Variants in SGTB observed in about 807,000 individuals in gnomAD.
SGTB encodes small glutamine-rich tetratricopeptide repeat-containing protein beta.
A neutral mutation model predicts 43.9 loss-of-function variants in SGTB; 19 were observed. The ratio of observed to expected loss-of-function variants is 0.43; its 90% CI spans 0.30 to 0.63. SGTB has a LOEUF of 0.63. SGTB is among the 30% of genes least tolerant of loss of function. The pLI, the probability that SGTB is intolerant of heterozygous loss-of-function variation, is 0.12. For synonymous variants in SGTB, 116 were observed against 117.3 expected, an observed-to-expected ratio of 0.99 and a Z score of 0.07; for missense variants, 304 against 358.9, an observed-to-expected ratio of 0.85 and a Z score of 1.24.
intron 2 of SGTB, among the ~76,000 whole-genome samples, chr5:65,715,823 G>T (rs1758136278): frequency 6.6e-6 from 1 of 152,220 alleles, no homozygotes; most frequent in Non-Finnish European, 1.5e-5. Context: ...AGGCTGGAGT[G>T]CAGTGGCGTA....
At chr5:65,707,203 C>T (rs1217504585) in intron 4 of SGTB, among the ~76,000 whole-genome samples, 2 of 151,384 alleles carry the variant, frequency 1.3e-5, no homozygotes, top group African/African-American at 4.9e-5. Context: ...GCAGAGGTTG[C>T]AGTGAGCCGA....
intron 8 of SGTB, among the ~76,000 whole-genome samples, chr5:65,673,465 G>C (rs1277696059): frequency 6.6e-6 from 1 of 152,136 alleles, no homozygotes; most frequent in Non-Finnish European, 1.5e-5. Context: ...TGCAGCATTA[G>C]ATTCTCATAG....
chr5:65,685,324 C>T, intron 6 of SGTB, 44 bp downstream of exon 6: 1 of 1,553,182 alleles, frequency 6.4e-7, no homozygotes, highest in African/African-American at 1.4e-5. Flanking sequence ...AACAGCATAC[C>T]TGATGCTACA....
chr5:65,700,853 T>C (rs1757801381), intron 5 of SGTB, among the ~76,000 whole-genome samples: 2 of 148,738 alleles, frequency 1.3e-5, no homozygotes, highest in South Asian at 2.1e-4. Context: ...CTACTAAAAA[T>C]ACAAAAATTA....
intron 5 of SGTB, among the ~76,000 whole-genome samples, chr5:65,693,230 AAG>A (rs1226823384): frequency 2.0e-5 from 3 of 150,610 alleles, no homozygotes; most frequent in Non-Finnish European, 3.0e-5. Flanking sequence ...AAGGAAGGGA[AAG>A]AGAGAAAGAG....
rs753274568 is a variant in SGTB, at chr5:65,708,558, T to A, written c.205A>T (p.Asn69Tyr). ...TEMFTSSFCK[N>Y]DVLPLSNSVP... is the part of the protein sequence containing the mutation. ...GAGTTTGAAAGGGGCAGAACGTCAT[T>A]CTGAAATTAAATAAAAATCAATGCA... Residue 69 changes from asparagine to tyrosine, a missense_variant and splice_region_variant, in exon 4 of 11, where the codon AAT becomes TAT. Coordinates refer to ENST00000381007, the MANE Select transcript of SGTB (RefSeq NM_019072.3). 5 of 1,611,804 alleles carry A rather than the reference T, an allele frequency of 3.1e-6. No individual in the cohort carries two copies. Among genetic ancestry groups the A allele is most frequent in the Non-Finnish European group, 3.4e-6 (4 of 1,179,034 alleles).
intron 5 of SGTB, among the ~76,000 whole-genome samples, chr5:65,686,996 T>C (rs1757512273): frequency 1.3e-5 from 2 of 152,204 alleles, no homozygotes; most frequent in South Asian, 4.1e-4. Context: ...AATCAATTAT[T>C]TGCTAGGTAT....
chr5:65,680,862 T>A, intron 6 of SGTB, 68 bp from the exon 7 acceptor site: 1 of 1,473,076 alleles, frequency 6.8e-7, no homozygotes, highest in Non-Finnish European at 9.3e-7. Context: ...ACAAACATCG[T>A]CAAACGTCTG....
intron 2 of SGTB, among the ~76,000 whole-genome samples, chr5:65,714,469 T>C (rs982088517): frequency 6.6e-5 from 10 of 152,234 alleles, no homozygotes; most frequent in African/African-American, 2.4e-4. Flanking sequence ...GTGGTTGGTA[T>C]GGCTAGGGTA....
chr5:65,701,367 A>G (rs890217836), intron 5 of SGTB, among the ~76,000 whole-genome samples: 1 of 152,146 alleles, frequency 6.6e-6, no homozygotes, highest in African/African-American at 2.4e-5. Flanking sequence ...AACAGACTTG[A>G]GATGATAAAA....
intron 5 of SGTB, among the ~76,000 whole-genome samples, chr5:65,698,952 C>A (rs577986284): frequency 6.6e-6 from 1 of 152,182 alleles, no homozygotes; most frequent in African/African-American, 2.4e-5. Context: ...ATTAATACAA[C>A]CTATATGGAA....
chr5:65,690,690 T>C (rs1463390737), intron 5 of SGTB, among the ~76,000 whole-genome samples: 1 of 152,158 alleles, frequency 6.6e-6, no homozygotes, highest in East Asian at 1.9e-4. Flanking sequence ...AATCATCCTT[T>C]TAAATTTAAT....
chr5:65,701,009 CAAAAAAAAAAA>C lies in SGTB; in HGVS notation c.374+3259_374+3269del, dbSNP rs1161067337. On this transcript the variant is annotated intron_variant, in intron 5 of 10. Transcript: ENST00000381007. Reference sequence around the variant, plus strand: ...TGGGCAACAGAGCAAGACTCCGTCTCAAAAAAAAAAAAAAAAAAAAAAAAAAGAATCATAAT... The same window carrying C: ...TGGGCAACAGAGCAAGACTCCGTCTCAAAAAAAAAAAAAAAGAATCATAAT... Among the ~76,000 whole-genome samples, 11 of 16,120 alleles carry C rather than the reference CAAAAAAAAAAA, an allele frequency of 6.8e-4. 1 individual carries two copies. The highest frequency in any genetic ancestry group is 1.9e-3 in the Admixed American group (3 of 1,586). 10.6% of individuals were successfully genotyped at this position (16,120 alleles called of 152,430 possible). A position where few individuals can be genotyped will look rare whatever the true frequency, so the allele number is the denominator to read the frequency against.
intron 5 of SGTB, among the ~76,000 whole-genome samples, chr5:65,689,898 T>C (rs1561157108): frequency 7.4e-6 from 1 of 134,972 alleles, no homozygotes; most frequent in Non-Finnish European, 1.7e-5. Context: ...AGTCCTTTGC[T>C]TCAGTTTAAA....
Position 65,692,971 on chromosome 5 carries a change from C to T in SGTB, c.375-7499G>A, listed in dbSNP as rs188815950. Among the ~76,000 whole-genome samples the T allele has an allele frequency of 4.9e-3, 752 of 152,074 alleles. 27 individuals are homozygous for T. The highest frequency in any genetic ancestry group is 0.047 in the Admixed American group (710 of 15,254). On this transcript the variant is annotated intron_variant, in intron 5 of 10. Transcript: ENST00000381007. ...CTGTAATCCCAGCACTTTGGGAGGCCGAGGTGGGTGAATCACTTCAGGTCA... is the reference window on the plus strand; with the variant it reads ...CTGTAATCCCAGCACTTTGGGAGGCTGAGGTGGGTGAATCACTTCAGGTCA...
At chr5:65,675,449 G>A (rs1213442320) in intron 8 of SGTB, among the ~76,000 whole-genome samples, 1 of 152,088 alleles carries the variant, frequency 6.6e-6, no homozygotes, top group African/African-American at 2.4e-5. Flanking sequence ...AAAATATGAT[G>A]CTCTCCCTGG....
rs753465098 is a variant in SGTB at position 65,704,375 on chromosome 5, T to C, written c.278A>G (p.Asn93Ser). The change falls in exon 5 of 11, where the codon AAT becomes AGT. Residue 93 changes from asparagine (N) to serine (S), a missense_variant. Physicochemically the swap from Asn to Ser is conservative, Grantham distance 46. Transcript: ENST00000381007. The part of the protein sequence containing the change: ...GKADQLKDEG[N>S]NHMKEENYAA... Reference sequence around the variant, plus strand: ...ATAATTTTCTTCTTTCATGTGGTTATTGCCTAAAATAAAGTAACCAGTATG... The same window carrying C: ...ATAATTTTCTTCTTTCATGTGGTTACTGCCTAAAATAAAGTAACCAGTATG... 13 of 1,610,294 alleles carry C rather than the reference T, an allele frequency of 8.1e-6. No homozygotes were observed. In the African/African-American group the frequency reaches 1.7e-4, roughly 22 times the overall value.
At chr5:65,711,887 T>C (rs1758051776) in intron 3 of SGTB, among the ~76,000 whole-genome samples, 1 of 152,062 alleles carries the variant, frequency 6.6e-6, no homozygotes, top group Admixed American at 6.6e-5. Context: ...AATTCTTCAT[T>C]ATATACTAAA....
chr5:65,673,106 C>A (rs181045124), intron 8 of SGTB, among the ~76,000 whole-genome samples: 1 of 152,296 alleles, frequency 6.6e-6, no homozygotes, highest in African/African-American at 2.4e-5. Flanking sequence ...AATCTAGGAC[C>A]TAGAGGAAAT....
Sources: allele counts gnomAD v4.1 joint callset (sites outside exome capture counted in the v4.1 genomes callset), GRCh38; gene constraint gnomAD v4.1.1; transcripts MANE v1.5; gene names NCBI Gene and HGNC (gene_info 2026-07-23, HGNC 2026-07-21).